Variants in GMDS observed in about 807,000 individuals in gnomAD.
GMDS encodes the protein GDP-mannose 4,6-dehydratase.
GMDS carries 20 observed loss-of-function variants against 49.9 expected under a neutral mutation model. The observed-to-expected ratio is 0.40, with a 90% CI of 0.28 to 0.58. The LOEUF (loss-of-function observed/expected upper bound fraction) is 0.58, where lower values mean the gene tolerates loss of function less well. Among genes scored for constraint, GMDS ranks in the 20% least tolerant of loss-of-function variants. The pLI is 0.42. For missense variants in GMDS, 362 were observed against 481.4 expected (o/e 0.75, Z 2.32); for synonymous variants, 177 against 178.6 (o/e 0.99, Z 0.07).
rs189967594 is a variant in GMDS at position 2,241,287 on chromosome 6, G to A, written c.102+4034C>T. Among the ~76,000 whole-genome samples the A allele has an allele frequency of 5.3e-3, 805 of 152,312 alleles. 5 individuals are homozygous for A. Among genetic ancestry groups the A allele is most frequent in the Non-Finnish European group, 7.1e-3 (481 of 68,020 alleles). ...AAAATTATTCGTTTTTGGTTTTACA[G>A]GCTCATAGCTAGAAGGAACTTGCTT... On this transcript the variant is annotated intron_variant, in intron 1 of 10. Coordinates refer to ENST00000380815, the MANE Select transcript of GMDS (RefSeq NM_001500.4).
chr6:2,048,362 A>G (rs1457187234), intron 4 of GMDS, among the ~76,000 whole-genome samples: 4 of 152,208 alleles, frequency 2.6e-5, no homozygotes, highest in African/African-American at 9.6e-5. Flanking sequence ...AAGGCACTAC[A>G]CAAAGTCCTT....
intron 1 of GMDS, among the ~76,000 whole-genome samples, chr6:2,222,566 A>G (rs1474576311): frequency 6.6e-6 from 1 of 152,226 alleles, no homozygotes; most frequent in East Asian, 1.9e-4. Context: ...TACTCACAGC[A>G]AAGGGGGAAT....
chr6:2,175,807 C>T, intron 1 of GMDS: 1 of 626,886 alleles, frequency 1.6e-6, no homozygotes. Context: ...TTATATAGCC[C>T]TTAAAACATG....
chr6:2,059,175 CAAAAAA>C (rs55832305), intron 4 of GMDS, among the ~76,000 whole-genome samples: 3 of 30,000 alleles, frequency 1.0e-4, no homozygotes, highest in Admixed American at 5.9e-4. Flanking sequence ...TCCTCTGTCT[CAAAAAA>C]AAAAAAAAAA....
At chr6:1,690,891 A>G (rs141812495) in intron 9 of GMDS, among the ~76,000 whole-genome samples, 1,551 of 152,346 alleles carry the variant, frequency 0.01, 29 homozygotes, top group African/African-American at 0.035. Flanking sequence ...AGAGATAGGG[A>G]CGCTTTTACA....
At chr6:2,032,822 C>A (rs534996703) in intron 4 of GMDS, among the ~76,000 whole-genome samples, 14 of 152,260 alleles carry the variant, frequency 9.2e-5, no homozygotes, top group African/African-American at 3.4e-4. Flanking sequence ...ACAGAGGTAG[C>A]ATTTGGAATA....
chr6:1,974,893 C>G (rs1764812192), intron 4 of GMDS, among the ~76,000 whole-genome samples: 2 of 151,382 alleles, frequency 1.3e-5, no homozygotes, highest in Non-Finnish European at 2.9e-5. Flanking sequence ...AAAAAATTAG[C>G]CAGGCACGAT....
intron 8 of GMDS, among the ~76,000 whole-genome samples, chr6:1,741,472 T>C (rs1482359178): frequency 6.6e-6 from 1 of 152,084 alleles, no homozygotes; most frequent in African/African-American, 2.4e-5. Context: ...CATAACATGA[T>C]GAAAGAAATT....
intron 8 of GMDS, among the ~76,000 whole-genome samples, chr6:1,731,935 A>C (rs1040160881): frequency 6.6e-6 from 1 of 152,226 alleles, no homozygotes; most frequent in Non-Finnish European, 1.5e-5. Context: ...GCTGGAGCAG[A>C]GTATGGGGTA....
At chr6:2,147,845 C>A (rs761764070) in intron 1 of GMDS, among the ~76,000 whole-genome samples, 5 of 148,968 alleles carry the variant, frequency 3.4e-5, no homozygotes, top group Admixed American at 6.8e-5. Flanking sequence ...GTCCCCTGAG[C>A]ATACTAGATA....
At chr6:1,663,811 A>G (rs1172825401) in intron 9 of GMDS, among the ~76,000 whole-genome samples, 1 of 151,998 alleles carries the variant, frequency 6.6e-6, no homozygotes, top group East Asian at 1.9e-4. Context: ...GCCTTCCTTG[A>G]TCACCTTTAC....
intron 4 of GMDS, among the ~76,000 whole-genome samples, chr6:2,015,799 T>G (rs957546291): frequency 2.6e-5 from 4 of 152,192 alleles, no homozygotes; most frequent in Non-Finnish European, 4.4e-5. Flanking sequence ...ACATTTATCA[T>G]GCAATGTGGC....
intron 6 of GMDS, among the ~76,000 whole-genome samples, chr6:1,939,136 CAT>C (rs557167918): frequency 1.2e-4 from 19 of 152,122 alleles, no homozygotes; most frequent in South Asian, 1.0e-3. Context: ...TTTATTTACA[CAT>C]GTTTTTGTAA....
intron 7 of GMDS, among the ~76,000 whole-genome samples, chr6:1,773,993 C>T (rs911911316): frequency 6.6e-6 from 1 of 152,100 alleles, no homozygotes; most frequent in African/African-American, 2.4e-5. Flanking sequence ...ATTTAAAGCA[C>T]AGAAATGACA....
At chr6:2,178,127 G>A (rs1316790858) in intron 1 of GMDS, among the ~76,000 whole-genome samples, 1 of 152,232 alleles carries the variant, frequency 6.6e-6, no homozygotes, top group South Asian at 2.1e-4. Flanking sequence ...AGACACTGGG[G>A]ACTACTGGCG....
At chr6:2,219,664 TAACA>T (rs994389992) in intron 1 of GMDS, among the ~76,000 whole-genome samples, 1 of 152,140 alleles carries the variant, frequency 6.6e-6, no homozygotes. Flanking sequence ...CACAGACCAG[TAACA>T]AACAGAGCAC....
intron 7 of GMDS, among the ~76,000 whole-genome samples, chr6:1,877,724 A>AG (rs1422974091): frequency 6.6e-6 from 1 of 151,186 alleles, no homozygotes; most frequent in African/African-American, 2.4e-5. Context: ...AAGAATGAAA[A>AG]GGTTGGCAGC....
Position 2,171,838 on chromosome 6 carries a change from T to C in GMDS, c.103-47107A>G, listed in dbSNP as rs1243498939. On this transcript the variant is annotated intron_variant, in intron 1 of 10. Transcript: ENST00000380815. Reference sequence around the variant, plus strand: ...GAAAGAAGTTAAGGTAAAAAGATAATAGGATAATGTAAGGAGATGAACAAA... The same window carrying C: ...GAAAGAAGTTAAGGTAAAAAGATAACAGGATAATGTAAGGAGATGAACAAA... 2.6e-5 allele frequency among the ~76,000 whole-genome samples: 4 copies of C among 151,518 alleles called. No individual in the cohort carries two copies. In the East Asian group the frequency reaches 7.7e-4, roughly 29 times the overall value.
chr6:1,740,720 A>G (rs1356184592), intron 8 of GMDS, among the ~76,000 whole-genome samples: 1 of 152,012 alleles, frequency 6.6e-6, no homozygotes. Context: ...TATCTTCTTT[A>G]AAAAATAAAA....
Sources: allele counts gnomAD v4.1 joint callset (sites outside exome capture counted in the v4.1 genomes callset), GRCh38; gene constraint gnomAD v4.1.1; transcripts MANE v1.5; gene names NCBI Gene and HGNC (gene_info 2026-07-23, HGNC 2026-07-21).